The following RALGPS1 variants were observed in gnomAD, a reference collection of about 807,000 sequenced individuals.
The protein encoded by RALGPS1 is ras-specific guanine nucleotide-releasing factor RalGPS1.
Under a neutral mutation model 78.8 loss-of-function variants are expected in RALGPS1, and 19 were observed. That is an observed-to-expected ratio of 0.24 (90% confidence interval 0.17 to 0.35). The LOEUF (loss-of-function observed/expected upper bound fraction) is 0.35. Ranked by LOEUF, RALGPS1 falls within the 10% of genes least tolerant of loss-of-function variation. The pLI is 1.00. For missense variants in RALGPS1, 454 were observed against 688.3 expected (o/e 0.66, Z 3.81); for synonymous variants, 228 against 256.3 (o/e 0.89, Z 1.06).
At chr9:126,921,879 G>T (rs2034797497) in intron 1 of RALGPS1, among the ~76,000 whole-genome samples, 1 of 152,198 alleles carries the variant, frequency 6.6e-6, no homozygotes, top group Non-Finnish European at 1.5e-5. Flanking sequence ...TTTCACCCAG[G>T]GTAGTAAGAT....
intron 8 of RALGPS1, among the ~76,000 whole-genome samples, chr9:127,137,068 G>T (rs780994562): frequency 3.3e-5 from 5 of 152,296 alleles, no homozygotes; most frequent in Non-Finnish European, 7.4e-5. Flanking sequence ...CAATTAATAG[G>T]AATTGAGTTT....
chr9:127,077,678 A>G (rs2050793528), intron 8 of RALGPS1, among the ~76,000 whole-genome samples: 1 of 152,150 alleles, frequency 6.6e-6, no homozygotes, highest in East Asian at 1.9e-4. Context: ...TCCATTCCAC[A>G]TGCAGGAAAT....
rs372544285 is a variant in RALGPS1 at position 127,073,446 on chromosome 9, T to TTGTGTGTG, written c.610+4102_610+4109dup. 6.8e-3 allele frequency among the ~76,000 whole-genome samples: 601 copies of TTGTGTGTG among 88,608 alleles called. 4 individuals carry two copies. Among genetic ancestry groups the TTGTGTGTG allele is most frequent in the African/African-American group, 0.023 (575 of 25,196 alleles). 58.1% of individuals were successfully genotyped at this position (88,608 alleles called of 152,430 possible). A position where few individuals can be genotyped will look rare whatever the true frequency, so the allele number is the denominator to read the frequency against. On this transcript the variant is annotated intron_variant, in intron 8 of 18. Coordinates refer to ENST00000259351, the MANE Select transcript of RALGPS1 (RefSeq NM_014636.3). ...CTTTTTATGGCCAAGTAGTACACCA[T>TTGTGTGTG]TGTGTGTGTGTGTGTGTGTCTGTGT... is the stretch of plus-strand genomic sequence containing the variant.
intron 8 of RALGPS1, among the ~76,000 whole-genome samples, chr9:127,124,291 C>T (rs2056435652): frequency 6.6e-6 from 1 of 152,202 alleles, no homozygotes; most frequent in South Asian, 2.1e-4. Flanking sequence ...CTTTTGAAGC[C>T]CCGAGCTAAG....
intron 1 of RALGPS1, among the ~76,000 whole-genome samples, chr9:126,926,280 A>T (rs13288470): frequency 0.1 from 15,342 of 152,262 alleles, 856 homozygotes; most frequent in Middle Eastern, 0.13. Flanking sequence ...CCCTACCCTC[A>T]GGAGCACCAA....
At chr9:127,201,749 A>G (rs1313309861) in intron 14 of RALGPS1, among the ~76,000 whole-genome samples, 3 of 151,236 alleles carry the variant, frequency 2.0e-5, no homozygotes, top group Non-Finnish European at 4.4e-5. Flanking sequence ...AAATCCTCCT[A>G]CTCTAATGGG....
rs114627164 is a variant in RALGPS1, at chr9:126,976,841, G to T, written c.166-854G>T. 8.0e-3 allele frequency among the ~76,000 whole-genome samples: 1,215 copies of T among 152,310 alleles called. 24 individuals are homozygous for T. Among genetic ancestry groups the T allele is most frequent in the African/African-American group, 0.028 (1,148 of 41,560 alleles). On this transcript the variant is annotated intron_variant, in intron 3 of 18. Transcript: ENST00000259351. ...TGACATGGAGGTAGGTGGATCACGTGAAGTCAGTTCAGTTCATGCCTTGGT... is the reference window on the plus strand; with the variant it reads ...TGACATGGAGGTAGGTGGATCACGTTAAGTCAGTTCAGTTCATGCCTTGGT...
At chr9:126,932,771 CATT>C (rs1347239504) in intron 1 of RALGPS1, among the ~76,000 whole-genome samples, 5 of 151,452 alleles carry the variant, frequency 3.3e-5, no homozygotes, top group Non-Finnish European at 5.9e-5. Flanking sequence ...AATGTTGAAA[CATT>C]AGAACATATA....
At position 127,028,694 on chromosome 9, in the gene RALGPS1, G is replaced by A. The variant is rs193065432; in HGVS notation, c.217-5737G>A. Among the ~76,000 whole-genome samples, 28 of 152,252 alleles carry A rather than the reference G, an allele frequency of 1.8e-4. 1 individual carries two copies. The highest frequency in any genetic ancestry group is 5.8e-4 in the East Asian group (3 of 5,180). Reference sequence around the variant, plus strand: ...GAGCATTATTTAATTTAATGAGCACGTTAAAAATATTACAATGTATCATTT... The same window carrying A: ...GAGCATTATTTAATTTAATGAGCACATTAAAAATATTACAATGTATCATTT... On this transcript the variant is annotated intron_variant, in intron 4 of 18. Coordinates refer to ENST00000259351, the MANE Select transcript of RALGPS1 (RefSeq NM_014636.3).
chr9:126,921,161 GA>G (rs767847923), intron 1 of RALGPS1, among the ~76,000 whole-genome samples: 2 of 152,300 alleles, frequency 1.3e-5, no homozygotes, highest in East Asian at 3.9e-4. Context: ...TGTTTCTCAG[GA>G]TCCTAGTGAT....
chr9:127,033,505 C>T (rs1055650272), intron 4 of RALGPS1, among the ~76,000 whole-genome samples: 62 of 152,208 alleles, frequency 4.1e-4, no homozygotes, highest in Non-Finnish European at 1.6e-4. Context: ...TATGAAAACT[C>T]TAGGTCAATG....
chr9:126,946,064 C>T (rs1283266989), intron 1 of RALGPS1, among the ~76,000 whole-genome samples: 2 of 152,102 alleles, frequency 1.3e-5, no homozygotes, highest in South Asian at 2.1e-4. Context: ...GAGGCTTTCA[C>T]GGTAGATGGG....
chr9:127,046,171 C>T (rs1356456939), intron 5 of RALGPS1, among the ~76,000 whole-genome samples: 2 of 152,170 alleles, frequency 1.3e-5, no homozygotes, highest in South Asian at 2.1e-4. Flanking sequence ...ATCCACAAAT[C>T]TATACTGATA....
intron 14 of RALGPS1, among the ~76,000 whole-genome samples, chr9:127,202,307 G>A (rs148732848): frequency 6.6e-4 from 101 of 152,278 alleles, no homozygotes; most frequent in African/African-American, 2.3e-3. Flanking sequence ...CTGCATGCCC[G>A]TCTGGTGAAT....
intron 17 of RALGPS1, 60 bp from the exon 18 acceptor site, chr9:127,214,691 G>T: frequency 6.4e-7 from 1 of 1,556,856 alleles, no homozygotes; most frequent in Non-Finnish European, 8.6e-7. Context: ...CTTTATGCCA[G>T]TCACCAGCTG....
chr9:127,210,059 A>G (rs1384901416), intron 14 of RALGPS1, among the ~76,000 whole-genome samples: 1 of 152,182 alleles, frequency 6.6e-6, no homozygotes, highest in African/African-American at 2.4e-5. Context: ...AAGAGGCTGA[A>G]CAGGAAGCTG....
intron 8 of RALGPS1, among the ~76,000 whole-genome samples, chr9:127,146,893 C>A (rs1443940398): frequency 6.6e-6 from 1 of 152,116 alleles, no homozygotes; most frequent in Non-Finnish European, 1.5e-5. Context: ...AGGCATATAC[C>A]CAGTAATGGG....
intron 8 of RALGPS1, among the ~76,000 whole-genome samples, chr9:127,150,646 C>T (rs2058364939): frequency 6.6e-6 from 1 of 152,252 alleles, no homozygotes; most frequent in Admixed American, 6.5e-5. Context: ...GTCCCCATCT[C>T]AAACTGGACT....
At chr9:127,070,376 A>C (rs967690448) in intron 8 of RALGPS1, among the ~76,000 whole-genome samples, 4 of 152,212 alleles carry the variant, frequency 2.6e-5, no homozygotes, top group Non-Finnish European at 5.9e-5. Flanking sequence ...GAACGTCCTT[A>C]TTGCAAAAAC....
Sources: allele counts gnomAD v4.1 joint callset (sites outside exome capture counted in the v4.1 genomes callset), GRCh38; gene constraint gnomAD v4.1.1; transcripts MANE v1.5; gene names NCBI Gene and HGNC (gene_info 2026-07-23, HGNC 2026-07-21).